Variants in GRIN2B observed in about 807,000 individuals in gnomAD.
The protein encoded by GRIN2B is glutamate ionotropic receptor NMDA type subunit 2B.
Under a neutral mutation model 114.5 loss-of-function variants are expected in GRIN2B, and 5 were observed. The ratio of observed to expected loss-of-function variants is 0.04; its 90% CI spans 0.02 to 0.09. The LOEUF is 0.09. GRIN2B is among the 10% of genes least tolerant of loss of function. The pLI is 1.00. For synonymous variants in GRIN2B, 787 were observed against 745.1 expected (o/e 1.06, Z -0.92); for missense variants, 1,108 against 1,943.5 (o/e 0.57, Z 8.08).
intron 2 of GRIN2B, among the ~76,000 whole-genome samples, chr12:13,961,342 T>C (rs955847961): frequency 1.4e-4 from 21 of 151,764 alleles, no homozygotes; most frequent in African/African-American, 4.6e-4. Context: ...GGAGAGAGGA[T>C]CCAGATCTTA....
intron 3 of GRIN2B, among the ~76,000 whole-genome samples, chr12:13,790,579 T>C (rs1287385072): frequency 6.6e-6 from 1 of 152,246 alleles, no homozygotes; most frequent in Non-Finnish European, 1.5e-5. Flanking sequence ...TCCCTCATTA[T>C]ATTTTCCATA....
chr12:13,605,551 T>TCTCTCTCTCTCTCA, intron 10 of GRIN2B, among the ~76,000 whole-genome samples: 4 of 30,502 alleles, frequency 1.3e-4, no homozygotes, highest in African/African-American at 4.1e-4. Context: ...TCTCTCTCTC[T>TCTCTCTCTCTCTCA]GACACACACA....
intron 3 of GRIN2B, among the ~76,000 whole-genome samples, chr12:13,842,917 CTTTTTTTT>C (rs201344138): frequency 9.7e-6 from 1 of 103,222 alleles, no homozygotes; most frequent in Non-Finnish European, 2.0e-5. Context: ...ATTGGTTTTT[CTTTTTTTT>C]TTTTTTTTTT....
chr12:13,804,590 T>C lies in GRIN2B; in HGVS notation c.412-50675A>G, dbSNP rs192297789. On this transcript the variant is annotated intron_variant, in intron 3 of 13. Coordinates refer to ENST00000609686, the MANE Select transcript of GRIN2B (RefSeq NM_000834.5). ...CCTTGTCAGTGCCCAAGGGAACCTG[T>C]AGAATTCAAATAACATTTTCTCCAG... 2.8e-3 allele frequency among the ~76,000 whole-genome samples: 433 copies of C among 152,298 alleles called. 1 individual carries two copies. Among genetic ancestry groups the C allele is most frequent in the African/African-American group, 0.01 (418 of 41,562 alleles).
intron 3 of GRIN2B, among the ~76,000 whole-genome samples, chr12:13,811,140 G>A (rs1423364308): frequency 6.6e-6 from 1 of 152,220 alleles, no homozygotes; most frequent in African/African-American, 2.4e-5. Context: ...ATTTATAAGT[G>A]TTCGGGAAGG....
chr12:13,612,542 T>C (rs894503686), intron 8 of GRIN2B, among the ~76,000 whole-genome samples: 1 of 152,232 alleles, frequency 6.6e-6, no homozygotes, highest in Non-Finnish European at 1.5e-5. Context: ...CAAGGGAACA[T>C]GTCTAAGCTG....
chr12:13,920,080 C>G (rs1212298175), intron 2 of GRIN2B, among the ~76,000 whole-genome samples: 4 of 151,934 alleles, frequency 2.6e-5, no homozygotes, highest in African/African-American at 9.7e-5. Flanking sequence ...AATCCTGGGA[C>G]TAAGAGCCCG....
intron 5 of GRIN2B, among the ~76,000 whole-genome samples, chr12:13,674,129 G>A (rs190599147): frequency 7.2e-4 from 110 of 152,122 alleles, no homozygotes; most frequent in Admixed American, 6.2e-3. Context: ...GGAGGCTGAG[G>A]CAGAAGGATC....
At chr12:13,702,027 C>G (rs1351910403) in intron 4 of GRIN2B, among the ~76,000 whole-genome samples, 1 of 152,204 alleles carries the variant, frequency 6.6e-6, no homozygotes, top group Non-Finnish European at 1.5e-5. Context: ...TGAATAATCT[C>G]AGCAATAACA....
intron 3 of GRIN2B, among the ~76,000 whole-genome samples, chr12:13,765,526 C>T (rs1863765474): frequency 6.6e-6 from 1 of 152,164 alleles, no homozygotes; most frequent in South Asian, 2.1e-4. Flanking sequence ...AAACTGATGT[C>T]AAGATGGATG....
chr12:13,706,521 T>C (rs1201381309), intron 4 of GRIN2B, among the ~76,000 whole-genome samples: 3 of 152,116 alleles, frequency 2.0e-5, no homozygotes, highest in Admixed American at 1.3e-4. Context: ...ATGCCTCCCA[T>C]AGATCTAAAG....
chr12:13,748,188 G>A (rs1270527111), intron 4 of GRIN2B, among the ~76,000 whole-genome samples: 1 of 152,196 alleles, frequency 6.6e-6, no homozygotes, highest in Non-Finnish European at 1.5e-5. Flanking sequence ...TAAAGACACT[G>A]GGGAAAAGTA....
At chr12:13,907,913 G>A (rs79273615) in intron 2 of GRIN2B, among the ~76,000 whole-genome samples, 1,684 of 152,096 alleles carry the variant, frequency 0.011, 30 homozygotes, top group African/African-American at 0.039. Flanking sequence ...TCCATGAATG[G>A]CATTTTACTT....
chr12:13,755,436 T>A (rs1805558), intron 3 of GRIN2B, among the ~76,000 whole-genome samples: 1,912 of 152,256 alleles, frequency 0.013, 41 homozygotes, highest in African/African-American at 0.043. Context: ...CCTGGATGTT[T>A]GGTCATATAG....
chr12:13,757,001 T>C (rs988694492), intron 3 of GRIN2B, among the ~76,000 whole-genome samples: 1 of 152,216 alleles, frequency 6.6e-6, no homozygotes, highest in East Asian at 1.9e-4. Flanking sequence ...AAAATTGATA[T>C]GGCTCCATCA....
At chr12:13,863,246 C>T (rs1476685864) in intron 3 of GRIN2B, among the ~76,000 whole-genome samples, 1 of 152,156 alleles carries the variant, frequency 6.6e-6, no homozygotes, top group Non-Finnish European at 1.5e-5. Context: ...TACACTTAAG[C>T]GCTCCACCAT....
intron 2 of GRIN2B, among the ~76,000 whole-genome samples, chr12:13,967,459 C>G (rs1249581311): frequency 6.6e-6 from 1 of 152,202 alleles, no homozygotes; most frequent in Non-Finnish European, 1.5e-5. Flanking sequence ...GTCTTCATGT[C>G]TTAGTATCCT....
At chr12:13,699,872 C>T (rs1367780367) in intron 4 of GRIN2B, among the ~76,000 whole-genome samples, 1 of 130,948 alleles carries the variant, frequency 7.6e-6, no homozygotes. Flanking sequence ...CAGGCATGAG[C>T]CACCGCACCC....
intron 8 of GRIN2B, among the ~76,000 whole-genome samples, chr12:13,613,601 G>A (rs890026772): frequency 6.6e-6 from 1 of 152,084 alleles, no homozygotes; most frequent in Non-Finnish European, 1.5e-5. Flanking sequence ...ATTTGTACTA[G>A]AACACAGGTT....
Sources: gnomAD v4.1 joint callset for allele counts (sites outside exome capture counted in the v4.1 genomes callset) on GRCh38, gnomAD v4.1.1 for gene constraint, MANE v1.5 for transcripts, NCBI Gene and HGNC (gene_info 2026-07-23, HGNC 2026-07-21) for gene names.